Variants in ADCK2 observed in about 807,000 individuals in gnomAD.
ADCK2 encodes aarF domain containing kinase 2.
Under a neutral mutation model 52.3 loss-of-function variants are expected in ADCK2, and 37 were observed. The ratio of observed to expected loss-of-function variants is 0.71; its 90% CI spans 0.54 to 0.93. The LOEUF (loss-of-function observed/expected upper bound fraction) is 0.93. Ranked by LOEUF, ADCK2 falls within the 40% of genes least tolerant of loss-of-function variation. The pLI is 0.00. For missense variants in ADCK2, 695 were observed against 798.7 expected, an observed-to-expected ratio of 0.87 and a Z score of 1.56; for synonymous variants, 321 against 349.2, an observed-to-expected ratio of 0.92 and a Z score of 0.90.
chr7:140,679,052 G>A, intron 2 of ADCK2, 103 bp from the exon 3 acceptor site: 2 of 1,442,762 alleles, frequency 1.4e-6, no homozygotes, highest in Non-Finnish European at 1.9e-6. Context: ...AGCTGGTGGG[G>A]AAGGTGGGGT....
chr7:140,673,793 C>T lies in ADCK2; in HGVS notation c.463C>T (p.Arg155Trp). Residue 155 changes from arginine (R) to tryptophan (W), a missense_variant, in exon 1 of 8, where the codon CGG becomes TGG. Coordinates refer to ENST00000072869, the MANE Select transcript of ADCK2 (RefSeq NM_052853.4). This position sits in a 1 kb window ranked among gnomAD's most constrained non-coding sequence, Gnocchi z 6.4. Reference protein sequence around the residue: ...YIKLGQWASTRRDLFSEAFCA... With the variant: ...YIKLGQWASTWRDLFSEAFCA... Reference sequence around the variant, plus strand: ...CAAACTGGGCCAGTGGGCCAGCACCCGGCGCGATCTGTTTTCGGAGGCTTT... The same window carrying T: ...CAAACTGGGCCAGTGGGCCAGCACCTGGCGCGATCTGTTTTCGGAGGCTTT... The T allele has an allele frequency of 6.2e-7, 1 of 1,613,958 alleles. No homozygotes were observed. Among genetic ancestry groups the T allele is most frequent in the Non-Finnish European group, 8.5e-7 (1 of 1,180,034 alleles).
rs2130794599 is a variant in ADCK2, at chr7:140,693,388, G to A, written c.1741-1275G>A. Among the ~76,000 whole-genome samples the A allele has an allele frequency of 6.6e-6, 1 of 152,294 alleles. No homozygotes were observed. The highest frequency in any genetic ancestry group is 1.9e-4 in the East Asian group (1 of 5,176). ...TCCACCTGACCCCGACAACCTTCCA[G>A]CCCTTAACGGAGACAAATACTCTTT... On this transcript the variant is annotated intron_variant, in intron 7 of 7. Transcript: ENST00000072869. This position sits in a 1 kb window ranked among gnomAD's most constrained non-coding sequence, Gnocchi z 4.0.
At chr7:140,689,840 A>G (rs1417738254) in intron 6 of ADCK2, 115 bp downstream of exon 6, 12 of 1,245,244 alleles carry the variant, frequency 9.6e-6, no homozygotes, top group Non-Finnish European at 9.4e-6. Context: ...TAAAGCAGAA[A>G]AAGAACCACC....
In ADCK2 at chr7:140,694,883, TTAAAATTGGGACACC is replaced by T; in HGVS notation, c.*81_*95del. ...CCTCTCCTATGGCAGCTGGGACGTTTTAAAATTGGGACACCAATTTCAAATGTAACCCTCCAGTGG... is the reference window on the plus strand; with the variant it reads ...CCTCTCCTATGGCAGCTGGGACGTTTAATTTCAAATGTAACCCTCCAGTGG... On this transcript the variant is annotated 3_prime_UTR_variant, in exon 8 of 8. Transcript: ENST00000072869. 1 of 1,505,738 alleles carries T rather than the reference TTAAAATTGGGACACC, an allele frequency of 6.6e-7. No individual in the cohort carries two copies. The highest frequency in any genetic ancestry group is 8.8e-7 in the Non-Finnish European group (1 of 1,132,112). The allele number at this position is 1,505,738 out of a possible 1,614,324, so 93.3% of individuals were successfully genotyped here.
intron 4 of ADCK2, 39 bp from the exon 5 acceptor site, chr7:140,686,951 A>AG: frequency 6.2e-7 from 1 of 1,600,540 alleles, no homozygotes; most frequent in South Asian, 1.1e-5. Context: ...GTGGTGCTCT[A>AG]GGGGCGACTC....
Position 140,674,250 on chromosome 7 carries a change from C to T in ADCK2, c.920C>T (p.Ser307Phe), listed in dbSNP as rs760319677. 1 of 1,611,262 alleles carries T rather than the reference C, an allele frequency of 6.2e-7. No individual in the cohort carries two copies. Among genetic ancestry groups the T allele is most frequent in the Non-Finnish European group, 8.5e-7 (1 of 1,178,428 alleles). The change falls in exon 1 of 8, where the codon TCC becomes TTC. Residue 307 changes from serine (S) to phenylalanine (F), a missense_variant. By Grantham distance (155) the Ser-to-Phe change is radical. Coordinates refer to ENST00000072869, the MANE Select transcript of ADCK2 (RefSeq NM_052853.4). This position sits in a 1 kb window ranked among gnomAD's most constrained non-coding sequence, Gnocchi z 4.6. ...GHQPEATNLI[S>F]VAVKVLHPGL... Reference sequence around the variant, plus strand: ...CAACCTGAGGCCACCAACCTCATCTCCGTGGCAGTGAAAGTAAGTGTTGTG... The same window carrying T: ...CAACCTGAGGCCACCAACCTCATCTTCGTGGCAGTGAAAGTAAGTGTTGTG...
intron 4 of ADCK2, among the ~76,000 whole-genome samples, chr7:140,686,481 T>A (rs1288259506): frequency 6.6e-6 from 1 of 152,130 alleles, no homozygotes; most frequent in African/African-American, 2.4e-5. Flanking sequence ...AGGTTTCACC[T>A]TGTTGGCCAG....
intron 2 of ADCK2, among the ~76,000 whole-genome samples, chr7:140,676,025 A>G (rs1011555809): frequency 6.6e-6 from 1 of 152,242 alleles, no homozygotes; most frequent in Non-Finnish European, 1.5e-5. Flanking sequence ...CTAGGGATTC[A>G]TTCCAATGTT....
chr7:140,691,169 A>C (rs1049851493), intron 7 of ADCK2, among the ~76,000 whole-genome samples: 1 of 151,664 alleles, frequency 6.6e-6, no homozygotes, highest in African/African-American at 2.4e-5. Context: ...CAGGTGATCC[A>C]CCCTTCTCGG....
chr7:140,692,206 C>T (rs1258652286), intron 7 of ADCK2, among the ~76,000 whole-genome samples: 4 of 152,160 alleles, frequency 2.6e-5, no homozygotes, highest in East Asian at 1.9e-4. Flanking sequence ...CCTCTCCATC[C>T]GGCCCTGGGA....
In ADCK2 at chr7:140,687,874, G is replaced by GT. The variant is rs781238437; in HGVS notation, c.1557+651dup. Among the ~76,000 whole-genome samples the GT allele has an allele frequency of 8.8e-3, 1,213 of 137,076 alleles. 5 individuals are homozygous for GT. Among genetic ancestry groups the GT allele is most frequent in the African/African-American group, 0.011 (421 of 37,396 alleles). 89.9% of individuals were successfully genotyped at this position (137,076 alleles called of 152,430 possible). A position where few individuals can be genotyped will look rare whatever the true frequency, so the allele number is the denominator to read the frequency against. On this transcript the variant is annotated intron_variant, in intron 5 of 7. Transcript: ENST00000072869. ...GCCTGGGTGACAGAGTGAGATCTTA[G>GT]TTTTTTTTTTTTTTTTTTAAAGTTT... is the stretch of plus-strand genomic sequence containing the variant.
chr7:140,694,046 T>A (rs1234224630), intron 7 of ADCK2, among the ~76,000 whole-genome samples: 1 of 152,164 alleles, frequency 6.6e-6, no homozygotes, highest in Non-Finnish European at 1.5e-5. Context: ...GTAGACCAGC[T>A]GACATGGCTC....
chr7:140,673,413 T>C lies in ADCK2; in HGVS notation c.83T>C (p.Leu28Pro). 6.3e-7 allele frequency: 1 copy of C among 1,597,448 alleles called. No homozygotes were observed. The highest frequency in any genetic ancestry group is 2.3e-5 in the East Asian group (1 of 44,206). ...GAGCTCAGACAGGGACTCAGCCTCC[T>C]GAGGCCCTCCGAGTGCCCTCGCGAT... ...CFELRQGLSL[L>P]RPSECPRDAR... Residue 28 changes from leucine to proline, a missense_variant, in exon 1 of 8, where the codon CTG (leucine) becomes CCG (proline). By Grantham distance (98) the Leu-to-Pro change is moderately conservative (BLOSUM62 -3). Transcript: ENST00000072869. This position sits in a 1 kb window ranked among gnomAD's most constrained non-coding sequence, Gnocchi z 6.4.
chr7:140,687,643 G>A (rs946692178), intron 5 of ADCK2, among the ~76,000 whole-genome samples: 4 of 152,006 alleles, frequency 2.6e-5, no homozygotes, highest in Admixed American at 2.0e-4. Flanking sequence ...GAACCTGGGG[G>A]GCATAGGTCG....
Position 140,689,294 on chromosome 7 carries a change from TA to T in ADCK2, c.1558-300del, listed in dbSNP as rs951394860. Among the ~76,000 whole-genome samples the T allele has an allele frequency of 7.2e-5, 11 of 152,068 alleles. No homozygotes were observed. In the South Asian group the frequency reaches 1.2e-3, roughly 17 times the overall value. ...TTTTTAAAAAAAAATTTTTTTTTTT[TA>T]AACAGCAAAATGCAGGGCAGTCCCT... On this transcript the variant is annotated intron_variant, in intron 5 of 7. Coordinates refer to ENST00000072869, the MANE Select transcript of ADCK2 (RefSeq NM_052853.4).
At chr7:140,680,906 G>T in intron 3 of ADCK2, 136 bp from the exon 4 acceptor site, 1 of 720,470 alleles carries the variant, frequency 1.4e-6, no homozygotes, top group Non-Finnish European at 2.4e-6. Context: ...AATGACAGAT[G>T]GGTTCTAGGA....
At position 140,673,542 on chromosome 7, in the gene ADCK2, G is replaced by A. The variant is rs1357775334; in HGVS notation, c.212G>A (p.Arg71His). 3 of 1,600,190 alleles carry A rather than the reference G, an allele frequency of 1.9e-6. No individual in the cohort carries two copies. The highest frequency in any genetic ancestry group is 2.7e-5 in the African/African-American group (2 of 74,734). ...GACGTTCTGAGTCGGCGAAGGGTCC[G>A]CTGCAGCGGGGCGGCTGGCGCGGGG... is the stretch of plus-strand genomic sequence containing the variant. Reference protein sequence around the residue: ...APDVLSRRRVRCSGAAGAGPA... With the variant: ...APDVLSRRRVHCSGAAGAGPA... Residue 71 changes from arginine to histidine, a missense_variant, in exon 1 of 8, where the codon CGC becomes CAC. Arg to His is a conservative substitution (Grantham distance 29, BLOSUM62 0). Coordinates refer to ENST00000072869, the MANE Select transcript of ADCK2 (RefSeq NM_052853.4). This position sits in a 1 kb window ranked among gnomAD's most constrained non-coding sequence, Gnocchi z 6.4.
intron 7 of ADCK2, among the ~76,000 whole-genome samples, chr7:140,694,426 A>G (rs1280334196): frequency 2.0e-5 from 3 of 152,234 alleles, no homozygotes; most frequent in African/African-American, 7.2e-5. Flanking sequence ...ACAAACCTAG[A>G]AAAGTATATT....
At position 140,678,833 on chromosome 7, in the gene ADCK2, C is replaced by T. The variant is rs1452406826; in HGVS notation, c.1081-322C>T. Among the ~76,000 whole-genome samples, 1 of 152,052 alleles carries T rather than the reference C, an allele frequency of 6.6e-6. No homozygotes were observed. Among genetic ancestry groups the T allele is most frequent in the East Asian group, 1.9e-4 (1 of 5,188 alleles). On this transcript the variant is annotated intron_variant, in intron 2 of 7. Transcript: ENST00000072869. The surrounding 1 kb of genome is among the most constrained non-coding windows in gnomAD (Gnocchi z 4.9). ...GGGGGCTGGCCTGGAGAAGCCAGAC[C>T]CCAGGGAGACGGGGAAGGGACTCAT...
Sources: gnomAD v4.1 joint callset for allele counts (sites outside exome capture counted in the v4.1 genomes callset) on GRCh38, gnomAD v4.1.1 for gene constraint, Gnocchi (gnomAD v3.1) non-coding constraint, MANE v1.5 for transcripts, NCBI Gene and HGNC (gene_info 2026-07-23, HGNC 2026-07-21) for gene names.